The following SNTG2 variants were observed in gnomAD, a reference collection of about 807,000 sequenced individuals.
The protein encoded by SNTG2 is gamma-2-syntrophin.
In SNTG2, 74 loss-of-function variants were observed where a neutral mutation model predicts 70.9. That is an observed-to-expected ratio of 1.04 (90% confidence interval 0.86 to 1.27). SNTG2 has a LOEUF of 1.27. SNTG2 is among the 50% of genes most tolerant of loss of function. The pLI, the probability that SNTG2 is intolerant of heterozygous loss-of-function variation, is 0.00. For synonymous variants in SNTG2, 278 were observed against 273.8 expected (o/e 1.02, Z -0.15); for missense variants, 717 against 690.7 (o/e 1.04, Z -0.43).
intron 13 of SNTG2, among the ~76,000 whole-genome samples, chr2:1,266,943 T>C (rs76513112): frequency 2.4e-4 from 37 of 152,052 alleles, no homozygotes; most frequent in African/African-American, 8.9e-4. Flanking sequence ...TATTTATTCA[T>C]TTATTTTTGT....
intron 2 of SNTG2, among the ~76,000 whole-genome samples, chr2:1,088,839 A>G (rs960051188): frequency 6.6e-6 from 1 of 152,318 alleles, no homozygotes; most frequent in South Asian, 2.1e-4. Context: ...TTTGAAATTG[A>G]TTTCTCTTGT....
At chr2:1,191,134 G>A (rs982475863) in intron 8 of SNTG2, among the ~76,000 whole-genome samples, 1 of 152,192 alleles carries the variant, frequency 6.6e-6, no homozygotes, top group Non-Finnish European at 1.5e-5. Context: ...TTGGGCCCTA[G>A]GAGGAACACT....
chr2:995,800 A>G (rs2147982283), intron 1 of SNTG2, among the ~76,000 whole-genome samples: 1 of 152,232 alleles, frequency 6.6e-6, no homozygotes, highest in East Asian at 1.9e-4. Context: ...TTCACACCGC[A>G]CTTTCTTTGA....
chr2:1,105,011 T>A (rs1293000229), intron 4 of SNTG2, among the ~76,000 whole-genome samples: 1 of 152,196 alleles, frequency 6.6e-6, no homozygotes, highest in East Asian at 1.9e-4. Context: ...TGGTATTCCT[T>A]CATTTCCATC....
At chr2:1,258,986 A>G (rs538281044) in intron 12 of SNTG2, among the ~76,000 whole-genome samples, 1 of 152,320 alleles carries the variant, frequency 6.6e-6, no homozygotes, top group Admixed American at 6.5e-5. Flanking sequence ...ATTCACTTTC[A>G]CATGCATTAA....
At chr2:1,165,300 A>G (rs1475646700) in intron 6 of SNTG2, among the ~76,000 whole-genome samples, 1 of 151,914 alleles carries the variant, frequency 6.6e-6, no homozygotes, top group Non-Finnish European at 1.5e-5. Flanking sequence ...TGTGTTGTGG[A>G]TGATACGGGC....
At chr2:1,303,698 G>A (rs968564352) in intron 14 of SNTG2, among the ~76,000 whole-genome samples, 2 of 152,016 alleles carry the variant, frequency 1.3e-5, no homozygotes. Context: ...ATTAAATTTG[G>A]CAAATGTTTA....
intron 7 of SNTG2, among the ~76,000 whole-genome samples, chr2:1,172,725 C>A (rs1242013723): frequency 6.6e-6 from 1 of 152,192 alleles, no homozygotes; most frequent in Non-Finnish European, 1.5e-5. Flanking sequence ...GTATGATCAT[C>A]TCCTTTCAAA....
At chr2:1,059,337 A>T (rs973223917) in intron 1 of SNTG2, 1 of 148,170 alleles carries the variant, frequency 6.7e-6, no homozygotes, top group African/African-American at 2.5e-5. Context: ...CTCCTCCTGG[A>T]CTGAGTTTTC....
intron 14 of SNTG2, among the ~76,000 whole-genome samples, chr2:1,272,707 AGAAAGGACACCCCAGGGAGCG>A (rs2148192866): frequency 8.2e-6 from 1 of 122,244 alleles, no homozygotes; most frequent in East Asian, 2.5e-4. Flanking sequence ...GAGCGGGTGC[AGAAAGGACACCCCAGGGAGCG>A]GGTGCAGAAA....
At chr2:1,152,576 A>G (rs4567968) in intron 6 of SNTG2, among the ~76,000 whole-genome samples, 29 of 5,940 alleles carry the variant, frequency 4.9e-3, no homozygotes, top group East Asian at 0.038. Context: ...GCACATGTGC[A>G]TGTGTGTGTG....
At chr2:1,025,234 A>G (rs1489895063) in intron 1 of SNTG2, among the ~76,000 whole-genome samples, 1 of 152,176 alleles carries the variant, frequency 6.6e-6, no homozygotes, top group Non-Finnish European at 1.5e-5. Flanking sequence ...AGCAACTTCA[A>G]GAGACTCATG....
intron 14 of SNTG2, among the ~76,000 whole-genome samples, chr2:1,291,318 G>A (rs1679981191): frequency 6.6e-6 from 1 of 152,114 alleles, no homozygotes; most frequent in Admixed American, 6.5e-5. Flanking sequence ...TCCACTCTTT[G>A]GTGGTGTCCT....
chr2:1,225,310 C>T (rs1356278334), intron 9 of SNTG2, among the ~76,000 whole-genome samples: 1 of 152,116 alleles, frequency 6.6e-6, no homozygotes, highest in Non-Finnish European at 1.5e-5. Flanking sequence ...TCTTTTTATC[C>T]TCGTTTTAAA....
intron 6 of SNTG2, among the ~76,000 whole-genome samples, chr2:1,141,636 C>A (rs1337764209): frequency 1.3e-5 from 2 of 152,220 alleles, no homozygotes; most frequent in Non-Finnish European, 2.9e-5. Context: ...TTCAAGTTTT[C>A]CCTACAGCAT....
chr2:1,308,494 T>G lies in SNTG2; in HGVS notation c.1285T>G (p.Ser429Ala), dbSNP rs1236511461. The part of the protein sequence containing the change: ...ATFMEVQRTG[S>A]RTYMCSWQGE... ...TCTCAAAATTGATACTTTTTTCTAG[T>G]CCAGAACATACATGTGCAGCTGGCA... Residue 429 changes from serine to alanine, a missense_variant and splice_region_variant, in exon 15 of 17, where the codon TCC (serine) becomes GCC (alanine). Ser to Ala is a moderately conservative substitution (Grantham distance 99, BLOSUM62 1). Transcript: ENST00000308624. 1 of 1,551,366 alleles carries G rather than the reference T, an allele frequency of 6.4e-7. No individual in the cohort carries two copies. Among genetic ancestry groups the G allele is most frequent in the Non-Finnish European group, 8.7e-7 (1 of 1,146,788 alleles).
At chr2:1,068,630 A>AT (rs1388796846) in intron 1 of SNTG2, among the ~76,000 whole-genome samples, 2 of 152,298 alleles carry the variant, frequency 1.3e-5, no homozygotes, top group East Asian at 1.9e-4. Flanking sequence ...GTATTGTTGG[A>AT]TTTTAGCTTC....
chr2:1,034,443 G>A (rs1661019069), intron 1 of SNTG2, among the ~76,000 whole-genome samples: 1 of 152,118 alleles, frequency 6.6e-6, no homozygotes, highest in South Asian at 2.1e-4. Flanking sequence ...CTTTATAATA[G>A]AACGATTTAT....
intron 6 of SNTG2, among the ~76,000 whole-genome samples, chr2:1,139,879 A>G (rs1245909802): frequency 6.6e-6 from 1 of 151,982 alleles, no homozygotes; most frequent in Non-Finnish European, 1.5e-5. Flanking sequence ...TAAATCTTAT[A>G]AATGGAGCTA....
Sources: allele counts gnomAD v4.1 joint callset (sites outside exome capture counted in the v4.1 genomes callset), GRCh38; gene constraint gnomAD v4.1.1; transcripts MANE v1.5; gene names NCBI Gene and HGNC (gene_info 2026-07-23, HGNC 2026-07-21).